The following IPO11 variants were observed in gnomAD, a reference collection of about 807,000 sequenced individuals.
The protein encoded by IPO11 is importin-11.
A neutral mutation model predicts 143.2 loss-of-function variants in IPO11; 66 were observed. The observed-to-expected ratio is 0.46, with a 90% CI of 0.38 to 0.57. The LOEUF is 0.57. Among genes scored for constraint, IPO11 ranks in the 20% least tolerant of loss-of-function variants. The pLI, the probability that IPO11 is intolerant of heterozygous loss-of-function variation, is 0.00. For missense variants in IPO11, 1,026 were observed against 1,141.0 expected, an observed-to-expected ratio of 0.90 and a Z score of 1.45; for synonymous variants, 385 against 377.8, an observed-to-expected ratio of 1.02 and a Z score of -0.22.
chr5:62,593,525 A>G (rs567707952), intron 28 of IPO11, among the ~76,000 whole-genome samples: 8 of 152,274 alleles, frequency 5.3e-5, no homozygotes, highest in African/African-American at 1.7e-4. Flanking sequence ...GGAGTGACAC[A>G]GCAGATTTGT....
At chr5:62,514,524 AG>A (rs1277787599) in intron 19 of IPO11, among the ~76,000 whole-genome samples, 1 of 150,658 alleles carries the variant, frequency 6.6e-6, no homozygotes, top group East Asian at 1.9e-4. Flanking sequence ...GAGGCTGCAG[AG>A]AGCCGAGATG....
intron 3 of IPO11, among the ~76,000 whole-genome samples, chr5:62,449,149 T>C (rs549660294): frequency 3.9e-5 from 6 of 152,208 alleles, no homozygotes; most frequent in African/African-American, 9.6e-5. Context: ...TCCTTCTGCA[T>C]TGGCCTCCCC....
intron 27 of IPO11, among the ~76,000 whole-genome samples, chr5:62,576,671 TACTC>T (rs1391076389): frequency 6.6e-6 from 1 of 152,122 alleles, no homozygotes; most frequent in Non-Finnish European, 1.5e-5. Flanking sequence ...CAGTCCTAGC[TACTC>T]AAGAGGCTGA....
At position 62,530,117 on chromosome 5, in the gene IPO11, A is replaced by T. The variant is rs556689987; in HGVS notation, c.2013-592A>T. ...CATCAATTACATGTGGCAGAGGAAC[A>T]TATCAAGAAAATCAGAACAACAAAA... is the stretch of plus-strand genomic sequence containing the variant. On this transcript the variant is annotated intron_variant, in intron 21 of 29. Transcript: ENST00000325324. 1.4e-4 allele frequency among the ~76,000 whole-genome samples: 21 copies of T among 152,372 alleles called. No homozygotes were observed. In the East Asian group the frequency reaches 4.0e-3, roughly 29 times the overall value.
At chr5:62,483,010 A>G (rs945688372) in intron 9 of IPO11, 91 bp from the exon 10 acceptor site, 6 of 834,188 alleles carry the variant, frequency 7.2e-6, no homozygotes, top group South Asian at 3.5e-5. Flanking sequence ...CTGCTAAATG[A>G]TTATTAGTAA....
chr5:62,467,182 G>A lies in IPO11; in HGVS notation c.568G>A (p.Asp190Asn). 1 of 1,613,920 alleles carries A rather than the reference G, an allele frequency of 6.2e-7. No individual in the cohort carries two copies. Among genetic ancestry groups the A allele is most frequent in the Non-Finnish European group, 8.5e-7 (1 of 1,179,930 alleles). ...CTGCTCTCTGTGGAATCACCACACA[G>A]ACACATTCCTGCAAGAAGTTTCTTC... ...FACSLWNHHT[D>N]TFLQEVSSGN... The change falls in exon 6 of 30, where the codon GAC becomes AAC. Residue 190 changes from aspartate to asparagine, a missense_variant. Transcript: ENST00000325324.
chr5:62,480,794 G>T (rs759308235), intron 9 of IPO11, among the ~76,000 whole-genome samples: 5 of 151,862 alleles, frequency 3.3e-5, no homozygotes, highest in Non-Finnish European at 7.4e-5. Context: ...TGTATTCTGA[G>T]ACTTTGCTGA....
intron 2 of IPO11, among the ~76,000 whole-genome samples, chr5:62,440,293 C>CT (rs1162786307): frequency 3.5e-5 from 5 of 142,846 alleles, no homozygotes; most frequent in South Asian, 2.3e-4. Flanking sequence ...AATCTTTTTT[C>CT]TTTTTTTTTG....
intron 27 of IPO11, chr5:62,580,926 G>C: frequency 1.3e-6 from 2 of 1,550,584 alleles, no homozygotes; most frequent in Non-Finnish European, 1.7e-6. Context: ...CCTTGAACTT[G>C]GAAAAAAACA....
intron 7 of IPO11, among the ~76,000 whole-genome samples, chr5:62,471,896 C>T (rs1240657751): frequency 1.3e-5 from 2 of 152,266 alleles, no homozygotes; most frequent in East Asian, 3.9e-4. Context: ...TTTCTAATCT[C>T]TTTAGGATAA....
chr5:62,496,780 CAATT>C lies in IPO11; in HGVS notation c.1590+2659_1590+2662del, dbSNP rs530695121. Among the ~76,000 whole-genome samples, 106 of 152,248 alleles carry C rather than the reference CAATT, an allele frequency of 7.0e-4. 2 individuals are homozygous for C. The highest frequency in any genetic ancestry group is 2.1e-3 in the African/African-American group (89 of 41,538). ...TGTATGTGTATACATATGTGTCACA[CAATT>C]AAGTCAAATTGCTACACTGAGGAAA... On this transcript the variant is annotated intron_variant, in intron 16 of 29. Coordinates refer to ENST00000325324, the MANE Select transcript of IPO11 (RefSeq NM_016338.5).
At chr5:62,582,256 C>T (rs1744595771) in intron 27 of IPO11, among the ~76,000 whole-genome samples, 1 of 152,124 alleles carries the variant, frequency 6.6e-6, no homozygotes, top group African/African-American at 2.4e-5. Context: ...GGGAAAGATG[C>T]TAGAGGCCTG....
At chr5:62,596,268 CAAAAA>C (rs71608515) in intron 28 of IPO11, among the ~76,000 whole-genome samples, 1 of 95,690 alleles carries the variant, frequency 1.0e-5, no homozygotes, top group Non-Finnish European at 1.9e-5. Context: ...GGCCCTGTCT[CAAAAA>C]AAAAAAAAAA....
intron 22 of IPO11, among the ~76,000 whole-genome samples, chr5:62,534,024 A>G (rs1742648818): frequency 6.6e-6 from 1 of 152,126 alleles, no homozygotes. Flanking sequence ...ACATTATAGA[A>G]CACTTTAAGA....
intron 5 of IPO11, among the ~76,000 whole-genome samples, chr5:62,459,489 T>G (rs559782827): frequency 6.6e-6 from 1 of 152,138 alleles, no homozygotes; most frequent in African/African-American, 2.4e-5. Flanking sequence ...AGCTTCTGGC[T>G]TGATACATTT....
chr5:62,465,705 G>C (rs1745550194), intron 5 of IPO11, among the ~76,000 whole-genome samples: 1 of 152,234 alleles, frequency 6.6e-6, no homozygotes, highest in African/African-American at 2.4e-5. Context: ...TGTACCTGTT[G>C]TGAAGTATAC....
At chr5:62,515,856 A>T (rs1221694202) in intron 20 of IPO11, among the ~76,000 whole-genome samples, 3 of 152,204 alleles carry the variant, frequency 2.0e-5, no homozygotes, top group Non-Finnish European at 4.4e-5. Flanking sequence ...ATTTAAAATA[A>T]AAAAATTCCC....
chr5:62,503,443 T>G (rs1380976378), intron 16 of IPO11, among the ~76,000 whole-genome samples: 1 of 145,130 alleles, frequency 6.9e-6, no homozygotes, highest in African/African-American at 2.5e-5. Context: ...TATTAATAGA[T>G]TCTATTAATA....
At chr5:62,613,743 T>C (rs1251857619) in intron 29 of IPO11, among the ~76,000 whole-genome samples, 1 of 152,186 alleles carries the variant, frequency 6.6e-6, no homozygotes, top group African/African-American at 2.4e-5. Flanking sequence ...AGCTTCCACC[T>C]GGTTCTCTAA....
Sources: gnomAD v4.1 joint callset for allele counts (sites outside exome capture counted in the v4.1 genomes callset) on GRCh38, gnomAD v4.1.1 for gene constraint, MANE v1.5 for transcripts, NCBI Gene and HGNC (gene_info 2026-07-23, HGNC 2026-07-21) for gene names.